The following SOX5 variants were observed in gnomAD, a reference collection of about 807,000 sequenced individuals.
The protein encoded by SOX5 is transcription factor SOX-5.
A neutral mutation model predicts 92.0 loss-of-function variants in SOX5; 9 were observed. The ratio of observed to expected loss-of-function variants is 0.10; its 90% CI spans 0.06 to 0.17. SOX5 has a LOEUF of 0.17. Among genes scored for constraint, SOX5 ranks in the 10% least tolerant of loss-of-function variants. The pLI is 1.00. For synonymous variants in SOX5, 344 were observed against 336.3 expected (o/e 1.02, Z -0.25); for missense variants, 642 against 944.5 (o/e 0.68, Z 4.20).
intron 1 of SOX5, among the ~76,000 whole-genome samples, chr12:24,399,760 T>A (rs759485479): frequency 5.9e-5 from 9 of 152,182 alleles, no homozygotes; most frequent in Non-Finnish European, 1.3e-4. Flanking sequence ...CGGAAACAAT[T>A]CCAAAATTTA....
At chr12:23,986,793 A>G (rs1950102786) in intron 4 of SOX5, among the ~76,000 whole-genome samples, 1 of 152,184 alleles carries the variant, frequency 6.6e-6, no homozygotes, top group Non-Finnish European at 1.5e-5. Flanking sequence ...AGGGAATCAT[A>G]ATCCCCATTT....
chr12:24,387,727 A>C (rs1027770624), intron 1 of SOX5, among the ~76,000 whole-genome samples: 1 of 152,210 alleles, frequency 6.6e-6, no homozygotes, highest in African/African-American at 2.4e-5. Context: ...TAATATACAT[A>C]ATCAGTAAAA....
chr12:24,448,130 C>T (rs1941760773), intron 1 of SOX5, among the ~76,000 whole-genome samples: 1 of 152,074 alleles, frequency 6.6e-6, no homozygotes. Flanking sequence ...TGCACTCCAG[C>T]ATGGGCTGGG....
chr12:23,863,667 C>CTTA (rs890695779), intron 2 of SOX5, among the ~76,000 whole-genome samples: 6 of 152,036 alleles, frequency 3.9e-5, no homozygotes, highest in African/African-American at 1.4e-4. Context: ...TCCTAAGGTA[C>CTTA]TTAACATCTT....
intron 8 of SOX5, among the ~76,000 whole-genome samples, chr12:23,625,927 A>T (rs573359604): frequency 6.6e-6 from 1 of 152,250 alleles, no homozygotes; most frequent in South Asian, 2.1e-4. Context: ...GTTTCTAAAG[A>T]AGACAGTCCC....
At chr12:24,512,946 T>TA (rs985259047) in intron 1 of SOX5, among the ~76,000 whole-genome samples, 11 of 152,194 alleles carry the variant, frequency 7.2e-5, no homozygotes, top group African/African-American at 2.7e-4. Context: ...TGGTTGCACT[T>TA]ACGATTTCCA....
At chr12:24,226,852 TTGAATGAATGAATGAA>T (rs575561385) in intron 3 of SOX5, among the ~76,000 whole-genome samples, 1 of 123,048 alleles carries the variant, frequency 8.1e-6, no homozygotes, top group African/African-American at 2.7e-5. Flanking sequence ...AAAACAGTGA[TTGAATGAATGAATGAA>T]TGAATGAATG....
chr12:24,059,646 C>A (rs1015764135), intron 4 of SOX5, among the ~76,000 whole-genome samples: 6 of 152,034 alleles, frequency 3.9e-5, no homozygotes, highest in African/African-American at 1.4e-4. Context: ...CATATCTGAC[C>A]CCCTGCCCCA....
chr12:23,893,655 T>C (rs959141407), intron 2 of SOX5, among the ~76,000 whole-genome samples: 19 of 152,198 alleles, frequency 1.2e-4, no homozygotes, highest in African/African-American at 4.6e-4. Context: ...TTTGTATTTA[T>C]GGTACTATCA....
chr12:23,679,184 T>C (rs751512993), intron 6 of SOX5, among the ~76,000 whole-genome samples: 1 of 151,986 alleles, frequency 6.6e-6, no homozygotes, highest in Non-Finnish European at 1.5e-5. Flanking sequence ...TCGAAAGTAG[T>C]TTGGAAGAAT....
chr12:23,545,632 C>T (rs1460445048), intron 12 of SOX5, among the ~76,000 whole-genome samples: 4 of 151,992 alleles, frequency 2.6e-5, no homozygotes, highest in East Asian at 3.9e-4. Flanking sequence ...AAGAAACTAT[C>T]GTGGAAATGT....
chr12:24,278,717 G>C (rs1023842937), intron 2 of SOX5, among the ~76,000 whole-genome samples: 7 of 151,892 alleles, frequency 4.6e-5, no homozygotes, highest in African/African-American at 1.7e-4. Context: ...TCTCAAAAAA[G>C]CAAACAAACA....
chr12:24,370,359 C>A (rs1169400678), intron 1 of SOX5, among the ~76,000 whole-genome samples: 1 of 151,156 alleles, frequency 6.6e-6, no homozygotes, highest in African/African-American at 2.4e-5. Flanking sequence ...CCCCTGTAGT[C>A]CCAGCTGCTC....
intron 1 of SOX5, among the ~76,000 whole-genome samples, chr12:24,549,010 GCT>G (rs1952907768): frequency 6.6e-6 from 1 of 152,010 alleles, no homozygotes; most frequent in Non-Finnish European, 1.5e-5. Context: ...CTTCAGCCAT[GCT>G]GCCCTTCTAA....
chr12:23,719,788 CAAAAAAAAA>C (rs33914230), intron 6 of SOX5, among the ~76,000 whole-genome samples: 3 of 64,156 alleles, frequency 4.7e-5, no homozygotes, highest in African/African-American at 6.2e-5. Flanking sequence ...AGCTATTTAC[CAAAAAAAAA>C]AAAAAAAAAA....
At chr12:24,120,785 T>C (rs1247877421) in intron 4 of SOX5, among the ~76,000 whole-genome samples, 1 of 152,230 alleles carries the variant, frequency 6.6e-6, no homozygotes, top group Non-Finnish European at 1.5e-5. Context: ...CTGATCATGG[T>C]TGTGTTTTGT....
intron 3 of SOX5, among the ~76,000 whole-genome samples, chr12:24,231,077 G>A (rs959399453): frequency 1.3e-5 from 2 of 152,140 alleles, no homozygotes; most frequent in Admixed American, 1.3e-4. Flanking sequence ...AGAAATAAGA[G>A]AAGCAACAAG....
intron 3 of SOX5, among the ~76,000 whole-genome samples, chr12:23,762,295 G>A (rs1347859391): frequency 6.6e-6 from 1 of 152,100 alleles, no homozygotes; most frequent in Admixed American, 6.6e-5. Flanking sequence ...CTACTCAGGA[G>A]GCTGAGGCGA....
intron 4 of SOX5, among the ~76,000 whole-genome samples, chr12:24,010,979 GT>G (rs1952864889): frequency 6.6e-6 from 1 of 151,920 alleles, no homozygotes; most frequent in African/African-American, 2.4e-5. Flanking sequence ...TATTAATAGG[GT>G]TTAGATGCCA....
Sources: allele counts gnomAD v4.1 joint callset (sites outside exome capture counted in the v4.1 genomes callset), GRCh38; gene constraint gnomAD v4.1.1; transcripts MANE v1.5; gene names NCBI Gene and HGNC (gene_info 2026-07-23, HGNC 2026-07-21).